The following DNAJC8 variants were observed in gnomAD, a reference collection of about 807,000 sequenced individuals.
DNAJC8 encodes the protein DnaJ heat shock protein family (Hsp40) member C8.
DNAJC8 carries 24 observed loss-of-function variants against 43.2 expected under a neutral mutation model. The observed-to-expected ratio is 0.56, with a 90% CI of 0.40 to 0.78. The LOEUF (loss-of-function observed/expected upper bound fraction) is 0.78, where lower values mean the gene tolerates loss of function less well. DNAJC8 is among the 30% of genes least tolerant of loss of function. DNAJC8 has a pLI of 0.00. For missense variants in DNAJC8, 207 were observed against 299.4 expected (o/e 0.69, Z 2.28); for synonymous variants, 83 against 98.0 (o/e 0.85, Z 0.90).
At chr1:28,203,084 C>G (rs1646747913) in intron 8 of DNAJC8, among the ~76,000 whole-genome samples, 2 of 152,188 alleles carry the variant, frequency 1.3e-5, no homozygotes, top group African/African-American at 4.8e-5. Flanking sequence ...AGTACAATGC[C>G]TAGCGAGTTG....
intron 4 of DNAJC8, 49 bp from the exon 5 acceptor site, chr1:28,210,115 G>C: frequency 1.3e-6 from 2 of 1,522,790 alleles, no homozygotes; most frequent in Non-Finnish European, 1.8e-6. Context: ...CCCTCTGAAA[G>C]TCTGAACTAT....
At chr1:28,219,959 G>A (rs1036785973) in intron 2 of DNAJC8, among the ~76,000 whole-genome samples, 2 of 152,200 alleles carry the variant, frequency 1.3e-5, no homozygotes, top group Admixed American at 6.5e-5. Flanking sequence ...TTACAGGCGT[G>A]AGCCACTGTG....
intron 2 of DNAJC8, among the ~76,000 whole-genome samples, chr1:28,225,465 T>C (rs1421456801): frequency 6.6e-6 from 1 of 151,244 alleles, no homozygotes; most frequent in Non-Finnish European, 1.5e-5. Flanking sequence ...AGACACAAAG[T>C]AACAAATACG....
chr1:28,230,641 T>C (rs1646967558), intron 1 of DNAJC8, among the ~76,000 whole-genome samples: 1 of 152,180 alleles, frequency 6.6e-6, no homozygotes, highest in Non-Finnish European at 1.5e-5. Flanking sequence ...TTTTTGTTTG[T>C]TTTTGTTTTT....
chr1:28,225,097 T>C (rs1646925186), intron 2 of DNAJC8, among the ~76,000 whole-genome samples: 1 of 151,272 alleles, frequency 6.6e-6, no homozygotes, highest in Non-Finnish European at 1.5e-5. Flanking sequence ...GATTATATAG[T>C]AACAATGTAT....
At chr1:28,209,188 T>C (rs1646792227) in intron 5 of DNAJC8, among the ~76,000 whole-genome samples, 2 of 152,222 alleles carry the variant, frequency 1.3e-5, no homozygotes, top group Admixed American at 6.5e-5. Context: ...TTCCAACACA[T>C]GACCCGCAGG....
At chr1:28,230,073 C>A (rs1248550850) in intron 1 of DNAJC8, 1 of 151,912 alleles carries the variant, frequency 6.6e-6, no homozygotes, top group African/African-American at 2.4e-5. Context: ...CATGGCGAAA[C>A]CCCATCTCTA....
chr1:28,218,501 C>T (rs1303881112), intron 2 of DNAJC8, among the ~76,000 whole-genome samples: 3 of 152,024 alleles, frequency 2.0e-5, no homozygotes, highest in South Asian at 2.1e-4. Flanking sequence ...ACTGCAGCCT[C>T]GAGCTCTGGG....
intron 1 of DNAJC8, 112 bp from the exon 2 acceptor site, chr1:28,229,135 T>C (rs1646957323): frequency 1.1e-6 from 1 of 875,274 alleles, no homozygotes; most frequent in African/African-American, 1.7e-5. Context: ...GTGTTTACCA[T>C]GTGCAAGACA....
chr1:28,228,731 A>G (rs1289561124), intron 2 of DNAJC8, among the ~76,000 whole-genome samples, 191 bp downstream of exon 2: 1 of 152,194 alleles, frequency 6.6e-6, no homozygotes, highest in Non-Finnish European at 1.5e-5. Flanking sequence ...CAAAATCCAA[A>G]AAACTTCTGG....
intron 2 of DNAJC8, among the ~76,000 whole-genome samples, chr1:28,226,385 C>T (rs894819383): frequency 1.3e-5 from 2 of 151,164 alleles, no homozygotes; most frequent in Admixed American, 6.6e-5. Context: ...TGCCTGTAGT[C>T]CCAGCTACTC....
chr1:28,227,034 A>G (rs1646939916), intron 2 of DNAJC8, among the ~76,000 whole-genome samples: 1 of 142,934 alleles, frequency 7.0e-6, no homozygotes, highest in Non-Finnish European at 1.5e-5. Context: ...TTCATTTATG[A>G]TTAAAGATGT....
chr1:28,230,084 T>C (rs1405505114), intron 1 of DNAJC8: 1 of 151,972 alleles, frequency 6.6e-6, no homozygotes, highest in Non-Finnish European at 1.5e-5. Context: ...CCCATCTCTA[T>C]TTTTAATTTA....
At position 28,212,189 on chromosome 1, in the gene DNAJC8, AT is replaced by A. The variant is rs1646817447; in HGVS notation, c.238-1553del. ...AATAAATATATATATATATATATAT[AT>A]ATATATATATATATATATATATATA... is the stretch of plus-strand genomic sequence containing the variant. On this transcript the variant is annotated intron_variant, in intron 3 of 8. Coordinates refer to ENST00000263697, the MANE Select transcript of DNAJC8 (RefSeq NM_014280.3). 2.8e-5 allele frequency among the ~76,000 whole-genome samples: 3 copies of A among 106,156 alleles called. No homozygotes were observed. The Admixed American group carries it at 2.8e-4, about 10-fold the overall frequency. 69.6% of individuals were successfully genotyped at this position (106,156 alleles called of 152,430 possible). A position where few individuals can be genotyped will look rare whatever the true frequency, so the allele number is the denominator to read the frequency against.
intron 2 of DNAJC8, among the ~76,000 whole-genome samples, chr1:28,228,449 T>C (rs1291569757): frequency 6.6e-6 from 1 of 151,978 alleles, no homozygotes; most frequent in Non-Finnish European, 1.5e-5. Context: ...TAAAAGATGA[T>C]GAAAGATATG....
chr1:28,227,301 C>T (rs1202407973), intron 2 of DNAJC8, among the ~76,000 whole-genome samples: 3 of 146,506 alleles, frequency 2.0e-5, no homozygotes, highest in Admixed American at 6.9e-5. Flanking sequence ...CTCAGCTACT[C>T]GGGAGGCTGA....
chr1:28,232,891 C>A, intron 1 of DNAJC8, 30 bp downstream of exon 1: 1 of 1,609,596 alleles, frequency 6.2e-7, no homozygotes, highest in Non-Finnish European at 8.5e-7. Flanking sequence ...GCGGTCGCCC[C>A]GGTGCCACTA....
rs1646730975 is a variant in DNAJC8, at chr1:28,201,158, G to C, written c.*90C>G. On this transcript the variant is annotated 3_prime_UTR_variant, in exon 9 of 9. Coordinates refer to ENST00000263697, the MANE Select transcript of DNAJC8 (RefSeq NM_014280.3). ...GACTAAAAAGCAAATACTACTCTATGTTGGGGTGGAAGTGGGAGGAAAGAA... is the reference window on the plus strand; with the variant it reads ...GACTAAAAAGCAAATACTACTCTATCTTGGGGTGGAAGTGGGAGGAAAGAA... 3 of 1,573,122 alleles carry C rather than the reference G, an allele frequency of 1.9e-6. No homozygotes were observed. The highest frequency in any genetic ancestry group is 3.6e-5 in the Admixed American group (2 of 55,886).
chr1:28,211,770 T>C (rs192087907), intron 3 of DNAJC8, among the ~76,000 whole-genome samples: 23 of 152,246 alleles, frequency 1.5e-4, no homozygotes, highest in African/African-American at 5.1e-4. Context: ...TGTCCTTTTT[T>C]TGGGAAGGGT....
Sources: allele counts gnomAD v4.1 joint callset (sites outside exome capture counted in the v4.1 genomes callset), GRCh38; gene constraint gnomAD v4.1.1; transcripts MANE v1.5; gene names NCBI Gene and HGNC (gene_info 2026-07-23, HGNC 2026-07-21).